The following ENTPD1 variants were observed in gnomAD, a reference collection of about 807,000 sequenced individuals.
ENTPD1 encodes ectonucleoside triphosphate diphosphohydrolase 1.
Under a neutral mutation model 57.0 loss-of-function variants are expected in ENTPD1, and 33 were observed. That is an observed-to-expected ratio of 0.58 (90% CI 0.44 to 0.77). The LOEUF (loss-of-function observed/expected upper bound fraction) is 0.77, where lower values mean the gene tolerates loss of function less well. ENTPD1 is among the 30% of genes least tolerant of loss of function. The pLI, the probability that ENTPD1 is intolerant of heterozygous loss-of-function variation, is 0.00. For missense variants in ENTPD1, 501 were observed against 603.4 expected (o/e 0.83, Z 1.78); for synonymous variants, 202 against 218.8 (o/e 0.92, Z 0.68).
At chr10:95,715,503 A>T (rs1266486024) in intron 1 of ENTPD1, among the ~76,000 whole-genome samples, 1 of 151,556 alleles carries the variant, frequency 6.6e-6, no homozygotes, top group East Asian at 1.9e-4. Context: ...ACATCCTGAC[A>T]ATTTTTGTCT....
At chr10:95,799,319 T>G (rs774761167) in intron 1 of ENTPD1, among the ~76,000 whole-genome samples, 1 of 152,108 alleles carries the variant, frequency 6.6e-6, no homozygotes, top group Non-Finnish European at 1.5e-5. Flanking sequence ...CAATAGGCCC[T>G]AGTGTGTGTT....
rs1329134793 is a variant in ENTPD1, at chr10:95,791,220, C to CTA, written c.17-32014_17-32013dup. Among the ~76,000 whole-genome samples the CTA allele has an allele frequency of 1.3e-5, 2 of 152,050 alleles. No individual in the cohort carries two copies. The highest frequency in any genetic ancestry group is 2.9e-5 in the Non-Finnish European group (2 of 68,012). On this transcript the variant is annotated intron_variant, in intron 1 of 9. Transcript: ENST00000371205. This position sits in a 1 kb window ranked among gnomAD's most constrained non-coding sequence, Gnocchi z 4.1. ...TAATGTTTAGTTTCCAGGTGAAGGG[C>CTA]TATAATAACTTCACTGTATCTGCTA...
At chr10:95,773,612 G>C (rs1255875509) in intron 1 of ENTPD1, among the ~76,000 whole-genome samples, 1 of 152,084 alleles carries the variant, frequency 6.6e-6, no homozygotes, top group Non-Finnish European at 1.5e-5. Context: ...AAAGTCACTA[G>C]CTTCATTATC....
At chr10:95,711,892 T>C in exon 1 of ENTPD1, 1 of 1,610,138 alleles carries the variant, frequency 6.2e-7, no homozygotes, top group Non-Finnish European at 8.5e-7. Context: ...AAGTTTTCCT[T>C]GGCCCCTCCA....
At chr10:95,741,819 T>C (rs1346238740) in intron 1 of ENTPD1, among the ~76,000 whole-genome samples, 1 of 152,216 alleles carries the variant, frequency 6.6e-6, no homozygotes, top group East Asian at 1.9e-4. Flanking sequence ...GGTTAAGTAA[T>C]GATCTCAAAA....
chr10:95,767,800 G>A (rs978504439), intron 1 of ENTPD1, among the ~76,000 whole-genome samples: 1 of 152,126 alleles, frequency 6.6e-6, no homozygotes, highest in Non-Finnish European at 1.5e-5. Flanking sequence ...GTTTGATGCT[G>A]TAAAGAAGTT....
intron 1 of ENTPD1, among the ~76,000 whole-genome samples, chr10:95,814,950 T>G (rs1043983255): frequency 1.2e-4 from 19 of 152,230 alleles, no homozygotes; most frequent in Non-Finnish European, 7.3e-5. Context: ...CTCCTTCTTT[T>G]TTGCCTTTTG....
chr10:95,785,590 C>A (rs547412960), intron 1 of ENTPD1, among the ~76,000 whole-genome samples: 1 of 152,282 alleles, frequency 6.6e-6, no homozygotes, highest in African/African-American at 2.4e-5. Flanking sequence ...TAACTTTTCT[C>A]AGAAGGTGGC....
chr10:95,818,982 T>G (rs2098339293), intron 1 of ENTPD1, among the ~76,000 whole-genome samples: 1 of 152,224 alleles, frequency 6.6e-6, no homozygotes, highest in Non-Finnish European at 1.5e-5. Flanking sequence ...TTGAATCTAG[T>G]CAGTCACATT....
chr10:95,834,116 G>A (rs1188238156), intron 2 of ENTPD1, among the ~76,000 whole-genome samples: 1 of 152,034 alleles, frequency 6.6e-6, no homozygotes, highest in Non-Finnish European at 1.5e-5. Context: ...CCTCTTTTAG[G>A]GCTGGAAGGA....
chr10:95,859,076 T>C (rs1471301620), intron 7 of ENTPD1, among the ~76,000 whole-genome samples: 1 of 151,988 alleles, frequency 6.6e-6, no homozygotes, highest in Non-Finnish European at 1.5e-5. Context: ...AAGAAAAAAA[T>C]CAAGCCAAAA....
intron 1 of ENTPD1, among the ~76,000 whole-genome samples, chr10:95,803,870 A>T (rs1019188976): frequency 6.6e-6 from 1 of 152,114 alleles, no homozygotes; most frequent in Non-Finnish European, 1.5e-5. Context: ...TTCTTGAATT[A>T]ATTTTTGTAT....
chr10:95,876,696 A>C lies in ENTPD1; in HGVS notation c.*10313A>C. On this transcript the variant is annotated 3_prime_UTR_variant, in exon 10 of 10. Transcript: ENST00000371205. ...AAACAAACAAGTTATTTTAAAACTT[A>C]TTGGAATATTCAAATATTAACCAAA... The C allele has an allele frequency of 8.4e-7, 1 of 1,191,050 alleles. No individual in the cohort carries two copies. The highest frequency in any genetic ancestry group is 1.0e-6 in the Non-Finnish European group (1 of 956,016). 73.8% of individuals were successfully genotyped at this position (1,191,050 alleles called of 1,614,324 possible).
chr10:95,708,444 C>T (rs904294812), upstream of ENTPD1, among the ~76,000 whole-genome samples: 1 of 151,948 alleles, frequency 6.6e-6, no homozygotes, highest in African/African-American at 2.4e-5. Flanking sequence ...AATCTCCTGA[C>T]CTTGTGATCC....
At chr10:95,764,718 ATTTTTTTTTT>A (rs34082135) in intron 1 of ENTPD1, among the ~76,000 whole-genome samples, 3 of 103,568 alleles carry the variant, frequency 2.9e-5, no homozygotes, top group African/African-American at 7.7e-5. Context: ...TCCTTTGCCC[ATTTTTTTTTT>A]TTTTTTTTTT....
chr10:95,785,242 A>T (rs2098174526), intron 1 of ENTPD1: 1 of 152,132 alleles, frequency 6.6e-6, no homozygotes, highest in African/African-American at 2.4e-5. Flanking sequence ...AACTCTATTG[A>T]TCTCTGAAAA....
At chr10:95,759,864 T>C (rs973042390) in intron 1 of ENTPD1, among the ~76,000 whole-genome samples, 22 of 152,214 alleles carry the variant, frequency 1.4e-4, no homozygotes, top group African/African-American at 3.9e-4. Flanking sequence ...CTTCCAGCTG[T>C]GGAAGGAGGT....
chr10:95,804,733 G>C (rs976021133), intron 1 of ENTPD1, among the ~76,000 whole-genome samples: 1 of 152,214 alleles, frequency 6.6e-6, no homozygotes, highest in African/African-American at 2.4e-5. Context: ...GGAGTGGTGA[G>C]AGAGGGCATC....
At chr10:95,703,869 T>A in the ENTPD1 span, among the ~76,000 whole-genome samples, 2 of 148,832 alleles carry the variant, frequency 1.3e-5, no homozygotes, top group African/African-American at 2.5e-5. Context: ...GGTGGGTGGA[T>A]CCCCTGAGGT....
Sources: gnomAD v4.1 joint callset for allele counts (sites outside exome capture counted in the v4.1 genomes callset) on GRCh38, gnomAD v4.1.1 for gene constraint, Gnocchi (gnomAD v3.1) non-coding constraint, MANE v1.5 for transcripts, NCBI Gene and HGNC (gene_info 2026-07-23, HGNC 2026-07-21) for gene names.